The following DPP10 variants were observed in gnomAD, a reference collection of about 807,000 sequenced individuals.
The protein encoded by DPP10 is inactive dipeptidyl peptidase 10.
DPP10 carries 33 observed loss-of-function variants against 120.9 expected under a neutral mutation model. The ratio of observed to expected loss-of-function variants is 0.27; its 90% CI spans 0.21 to 0.37. The LOEUF (loss-of-function observed/expected upper bound fraction) is 0.37. DPP10 is among the 10% of genes least tolerant of loss of function. The probability of loss-of-function intolerance (pLI) is 1.00; values close to 1 mark genes in which losing one functional copy is unlikely to be tolerated. For missense variants in DPP10, 816 were observed against 942.8 expected (o/e 0.87, Z 1.76); for synonymous variants, 337 against 326.1 (o/e 1.03, Z -0.36).
In DPP10 at chr2:115,791,194, A is replaced by G. The variant is rs1464758982; in HGVS notation, c.1630+15A>G. The stretch of plus-strand genomic sequence containing the variant: ...TGACGACTATGGTAAAATTTTGTGC[A>G]TGCTATGTTATTCAAGAACAACTTT... On this transcript the variant is annotated intron_variant, in intron 18 of 25. Transcript: ENST00000410059. 6.2e-7 allele frequency: 1 copy of G among 1,609,708 alleles called. No individual in the cohort carries two copies. The highest frequency in any genetic ancestry group is 8.5e-7 in the Non-Finnish European group (1 of 1,177,346).
At chr2:115,782,280 T>C (rs144064445) in intron 16 of DPP10, 72 bp from the exon 17 acceptor site, 23,902 of 1,367,286 alleles carry the variant, frequency 0.017, 273 homozygotes, top group Non-Finnish European at 0.021. Flanking sequence ...GAAAAAACTA[T>C]TATGTAAACT....
At chr2:115,046,505 A>G (rs1705083648) in intron 1 of DPP10, among the ~76,000 whole-genome samples, 1 of 152,176 alleles carries the variant, frequency 6.6e-6, no homozygotes, top group Non-Finnish European at 1.5e-5. Flanking sequence ...ATTACATCCA[A>G]TTAGTCCTAT....
At chr2:115,392,758 A>G (rs2067405673) in intron 3 of DPP10, among the ~76,000 whole-genome samples, 1 of 152,148 alleles carries the variant, frequency 6.6e-6, no homozygotes, top group African/African-American at 2.4e-5. Flanking sequence ...ATATAAATGC[A>G]TTGTTTTAGA....
chr2:115,720,495 G>T (rs1575599401), intron 7 of DPP10, among the ~76,000 whole-genome samples: 1 of 151,920 alleles, frequency 6.6e-6, no homozygotes, highest in African/African-American at 2.4e-5. Flanking sequence ...AAATATAAAG[G>T]TTTTGCAACA....
chr2:115,649,334 G>C (rs1242478153), intron 5 of DPP10, among the ~76,000 whole-genome samples: 4 of 152,046 alleles, frequency 2.6e-5, no homozygotes, highest in Non-Finnish European at 4.4e-5. Flanking sequence ...ATCAAAGTAA[G>C]ACAAGAGTTT....
At chr2:114,795,736 A>C (rs1390929928) in intron 1 of DPP10, among the ~76,000 whole-genome samples, 1 of 152,174 alleles carries the variant, frequency 6.6e-6, no homozygotes, top group Admixed American at 6.5e-5. Context: ...AATATCAAAA[A>C]ATAGGAAGAA....
chr2:115,125,916 T>C (rs933153986), intron 1 of DPP10, among the ~76,000 whole-genome samples: 3 of 152,130 alleles, frequency 2.0e-5, no homozygotes, highest in Admixed American at 6.6e-5. Flanking sequence ...TTAAATTAGA[T>C]TTTTACCAAG....
intron 5 of DPP10, among the ~76,000 whole-genome samples, chr2:115,647,062 G>A (rs1421254696): frequency 6.6e-6 from 1 of 152,116 alleles, no homozygotes; most frequent in African/African-American, 2.4e-5. Context: ...ACCTCACTCT[G>A]GAGACAAGAG....
chr2:114,767,467 G>T (rs1234883744), intron 1 of DPP10, among the ~76,000 whole-genome samples: 1 of 151,922 alleles, frequency 6.6e-6, no homozygotes, highest in Non-Finnish European at 1.5e-5. Context: ...TGAATCCACA[G>T]ATAGGAGTAT....
chr2:115,182,318 G>A (rs1414958710), intron 1 of DPP10, among the ~76,000 whole-genome samples: 1 of 152,168 alleles, frequency 6.6e-6, no homozygotes, highest in East Asian at 1.9e-4. Flanking sequence ...TACTTTAGTT[G>A]TGAGATATAA....
intron 1 of DPP10, among the ~76,000 whole-genome samples, chr2:114,865,327 T>C (rs1690136915): frequency 6.6e-6 from 1 of 152,184 alleles, no homozygotes; most frequent in African/African-American, 2.4e-5. Flanking sequence ...GAGATCTGCA[T>C]TATTTACTGG....
At chr2:115,527,216 C>A (rs998316727) in intron 5 of DPP10, among the ~76,000 whole-genome samples, 1 of 151,988 alleles carries the variant, frequency 6.6e-6, no homozygotes, top group African/African-American at 2.4e-5. Flanking sequence ...CAGAAATAGA[C>A]CCTCACAACT....
At chr2:115,324,159 C>G (rs1277816811) in intron 2 of DPP10, among the ~76,000 whole-genome samples, 1 of 152,058 alleles carries the variant, frequency 6.6e-6, no homozygotes, top group East Asian at 1.9e-4. Context: ...GCCTATAGTC[C>G]CAGCTACTCG....
At chr2:114,786,592 C>T (rs188528667) in intron 1 of DPP10, among the ~76,000 whole-genome samples, 7 of 152,124 alleles carry the variant, frequency 4.6e-5, no homozygotes, top group Non-Finnish European at 8.8e-5. Context: ...TTTAAAAAGT[C>T]ATTGTGAATA....
intron 1 of DPP10, among the ~76,000 whole-genome samples, chr2:115,286,682 G>C (rs1163411452): frequency 6.7e-6 from 1 of 149,726 alleles, no homozygotes; most frequent in African/African-American, 2.4e-5. Flanking sequence ...TTGGAGGTGA[G>C]ATGATAGACA....
rs567001372 is a variant in DPP10 at position 115,561,738 on chromosome 2, C to T, written c.441+35766C>T. 1.5e-3 allele frequency among the ~76,000 whole-genome samples: 228 copies of T among 152,156 alleles called. 1 individual carries two copies. Among genetic ancestry groups the T allele is most frequent in the Admixed American group, 2.5e-3 (38 of 15,284 alleles). On this transcript the variant is annotated intron_variant, in intron 5 of 25. Coordinates refer to ENST00000410059, the MANE Select transcript of DPP10 (RefSeq NM_020868.6). ...TAGACAAAGACGTATTATTGATTTT[C>T]TTCTTAATCTTTTTAAGTTTTTTTA... is the stretch of plus-strand genomic sequence containing the variant.
chr2:115,286,484 T>TATAATATATATATTAC, intron 1 of DPP10, among the ~76,000 whole-genome samples: 6 of 37,604 alleles, frequency 1.6e-4, no homozygotes, highest in African/African-American at 3.5e-4. Context: ...ATATGTAATA[T>TATAATATATATATTAC]ATATATAATA....
chr2:114,902,552 A>G (rs1693665634), intron 1 of DPP10, among the ~76,000 whole-genome samples: 1 of 152,098 alleles, frequency 6.6e-6, no homozygotes, highest in African/African-American at 2.4e-5. Flanking sequence ...GCTATTATTG[A>G]CCTGTTATTT....
intron 1 of DPP10, among the ~76,000 whole-genome samples, chr2:114,726,727 A>G (rs1229771781): frequency 6.6e-6 from 1 of 152,244 alleles, no homozygotes; most frequent in East Asian, 1.9e-4. Context: ...ATGTTTTAAC[A>G]TCAACTGAAT....
Sources: gnomAD v4.1 joint callset for allele counts (sites outside exome capture counted in the v4.1 genomes callset) on GRCh38, gnomAD v4.1.1 for gene constraint, MANE v1.5 for transcripts, NCBI Gene and HGNC (gene_info 2026-07-23, HGNC 2026-07-21) for gene names.